The following PDSS2 variants were observed in gnomAD, a reference collection of about 807,000 sequenced individuals.
The protein encoded by PDSS2 is decaprenyl diphosphate synthase subunit 2, also known as all trans-polyprenyl-diphosphate synthase PDSS2.
PDSS2 carries 31 observed loss-of-function variants against 44.5 expected under a neutral mutation model. That is an observed-to-expected ratio of 0.70 (90% CI 0.52 to 0.94). PDSS2 has a LOEUF of 0.94. PDSS2 is among the 40% of genes least tolerant of loss of function. The probability of loss-of-function intolerance (pLI) is 0.00; values close to 1 mark genes in which losing one functional copy is unlikely to be tolerated. For synonymous variants in PDSS2, 157 were observed against 180.3 expected (o/e 0.87, Z 1.03); for missense variants, 452 against 482.2 (o/e 0.94, Z 0.59).
intron 1 of PDSS2, 84 bp downstream of exon 1, chr6:107,458,906 T>C: frequency 5.8e-6 from 7 of 1,214,848 alleles, no homozygotes; most frequent in Non-Finnish European, 7.2e-6. Flanking sequence ...GGAGCCAGTC[T>C]GAGAGAGCTA....
At chr6:107,275,974 G>A (rs369046674) in intron 2 of PDSS2, among the ~76,000 whole-genome samples, 3 of 151,954 alleles carry the variant, frequency 2.0e-5, no homozygotes, top group South Asian at 2.1e-4. Flanking sequence ...ATAAAAATTA[G>A]CTTGGTGAGA....
intron 3 of PDSS2, among the ~76,000 whole-genome samples, chr6:107,262,182 C>G (rs906302213): frequency 6.6e-6 from 1 of 151,922 alleles, no homozygotes; most frequent in Admixed American, 6.6e-5. Flanking sequence ...GCTGGGATTA[C>G]AGGTGTGAGC....
At chr6:107,223,151 G>A (rs1342912758) in intron 4 of PDSS2, among the ~76,000 whole-genome samples, 1 of 150,452 alleles carries the variant, frequency 6.6e-6, no homozygotes, top group Non-Finnish European at 1.5e-5. Context: ...GGATGGTCTC[G>A]AACTCCTGAC....
intron 1 of PDSS2, among the ~76,000 whole-genome samples, chr6:107,374,648 C>T (rs565115028): frequency 6.6e-6 from 1 of 152,346 alleles, no homozygotes; most frequent in South Asian, 2.1e-4. Flanking sequence ...AATAAACAGT[C>T]CAAGAAACAC....
intron 1 of PDSS2, among the ~76,000 whole-genome samples, chr6:107,446,219 G>C (rs928070231): frequency 2.0e-5 from 3 of 152,164 alleles, no homozygotes; most frequent in Admixed American, 6.5e-5. Context: ...GGGAGGCTGA[G>C]GCAGGAGAAT....
chr6:107,159,766 C>T lies in PDSS2; in HGVS notation c.1042-4989G>A, dbSNP rs924065760. The stretch of plus-strand genomic sequence containing the variant: ...CTTCTCCAAATTGATATTAGGCAGA[C>T]CAACATTCTCCTCCTATTCTAGACT... On this transcript the variant is annotated intron_variant, in intron 7 of 7. Coordinates refer to ENST00000369037, the MANE Select transcript of PDSS2 (RefSeq NM_020381.4). Among the ~76,000 whole-genome samples, 34 of 152,152 alleles carry T rather than the reference C, an allele frequency of 2.2e-4. No individual in the cohort carries two copies. The East Asian group carries it at 2.3e-3, about 10-fold the overall frequency.
intron 1 of PDSS2, among the ~76,000 whole-genome samples, chr6:107,368,921 G>A (rs958487659): frequency 2.0e-5 from 3 of 152,176 alleles, no homozygotes; most frequent in East Asian, 1.9e-4. Context: ...CTGAACTTAC[G>A]ATAAAGCTAC....
At chr6:107,456,698 C>A (rs955183367) in intron 1 of PDSS2, among the ~76,000 whole-genome samples, 1 of 152,134 alleles carries the variant, frequency 6.6e-6, no homozygotes, top group Non-Finnish European at 1.5e-5. Flanking sequence ...TGCATCCCCA[C>A]GCCCAACTAA....
intron 1 of PDSS2, among the ~76,000 whole-genome samples, chr6:107,434,170 TAC>T (rs755005797): frequency 6.6e-6 from 1 of 152,214 alleles, no homozygotes; most frequent in Non-Finnish European, 1.5e-5. Context: ...TGTAAATTAG[TAC>T]AACCATTATG....
intron 1 of PDSS2, among the ~76,000 whole-genome samples, chr6:107,348,816 A>G (rs1217474427): frequency 3.3e-5 from 5 of 152,338 alleles, no homozygotes; most frequent in East Asian, 3.9e-4. Flanking sequence ...AAATGACATA[A>G]TAGCGAATAT....
intron 7 of PDSS2, among the ~76,000 whole-genome samples, chr6:107,191,810 C>T (rs904870965): frequency 6.6e-6 from 1 of 152,114 alleles, no homozygotes; most frequent in Non-Finnish European, 1.5e-5. Context: ...CAGGGTTTCA[C>T]CATATTATCC....
At chr6:107,452,665 CA>C (rs1781908436) in intron 1 of PDSS2, among the ~76,000 whole-genome samples, 1 of 151,604 alleles carries the variant, frequency 6.6e-6, no homozygotes, top group African/African-American at 2.4e-5. Flanking sequence ...AGCTAAGTTT[CA>C]AACTTTTTTT....
chr6:107,155,922 C>T (rs1770876751), intron 7 of PDSS2, among the ~76,000 whole-genome samples: 1 of 105,860 alleles, frequency 9.4e-6, no homozygotes, highest in South Asian at 3.4e-4. Flanking sequence ...CAAAGTTTCG[C>T]TCTGTCATCC....
At chr6:107,363,505 G>A (rs558870705) in intron 1 of PDSS2, among the ~76,000 whole-genome samples, 8 of 152,130 alleles carry the variant, frequency 5.3e-5, no homozygotes, top group African/African-American at 1.7e-4. Context: ...GTTCCATCCC[G>A]GTGGGCTCGT....
rs1198753274 is a variant in PDSS2 at position 107,213,995 on chromosome 6, A to G, written c.703-1713T>C. Among the ~76,000 whole-genome samples, 5 of 152,332 alleles carry G rather than the reference A, an allele frequency of 3.3e-5. 1 individual carries two copies. The East Asian group carries it at 9.6e-4, about 29-fold the overall frequency. On this transcript the variant is annotated intron_variant, in intron 4 of 7. Coordinates refer to ENST00000369037, the MANE Select transcript of PDSS2 (RefSeq NM_020381.4). Reference sequence around the variant, plus strand: ...AACTTTTCTAGTGGCTATATAAAAAAAAGTGGAAACAGGTAAAATTAATCT... The same window carrying G: ...AACTTTTCTAGTGGCTATATAAAAAGAAGTGGAAACAGGTAAAATTAATCT...
At chr6:107,363,217 TACACATAG>T (rs1230631721) in intron 1 of PDSS2, among the ~76,000 whole-genome samples, 1 of 152,226 alleles carries the variant, frequency 6.6e-6, no homozygotes, top group African/African-American at 2.4e-5. Flanking sequence ...TACAGAGATA[TACACATAG>T]ACACATCAGA....
At chr6:107,195,711 C>G (rs1476743290) in intron 6 of PDSS2, among the ~76,000 whole-genome samples, 2 of 141,158 alleles carry the variant, frequency 1.4e-5, no homozygotes, top group Non-Finnish European at 3.1e-5. Flanking sequence ...AGGCACCCAC[C>G]ACCACGCCCG....
At chr6:107,358,451 G>A (rs1302660319) in intron 1 of PDSS2, among the ~76,000 whole-genome samples, 3 of 152,056 alleles carry the variant, frequency 2.0e-5, no homozygotes, top group African/African-American at 7.2e-5. Flanking sequence ...ACAATTTTTG[G>A]TTTATTCACT....
intron 3 of PDSS2, among the ~76,000 whole-genome samples, chr6:107,258,044 T>C (rs2114864982): frequency 6.6e-6 from 1 of 152,330 alleles, no homozygotes; most frequent in South Asian, 2.1e-4. Context: ...AATATAAATG[T>C]GAATTATCAC....
Sources: gnomAD v4.1 joint callset for allele counts (sites outside exome capture counted in the v4.1 genomes callset) on GRCh38, gnomAD v4.1.1 for gene constraint, MANE v1.5 for transcripts, NCBI Gene and HGNC (gene_info 2026-07-23, HGNC 2026-07-21) for gene names.